The following MGA variants were observed in gnomAD, a reference collection of about 807,000 sequenced individuals.
MGA encodes the protein MAX dimerization protein MGA, also known as MAX gene-associated protein.
Under a neutral mutation model 261.1 loss-of-function variants are expected in MGA, and 40 were observed. That is an observed-to-expected ratio of 0.15 (90% CI 0.12 to 0.20). MGA has a LOEUF of 0.20. Ranked by LOEUF, MGA falls within the 10% of genes least tolerant of loss-of-function variation. MGA has a pLI of 1.00. For synonymous variants in MGA, 1,302 were observed against 1,290.6 expected (o/e 1.01, Z -0.19); for missense variants, 3,397 against 3,630.5 (o/e 0.94, Z 1.65).
At position 41,766,092 on chromosome 15, in the gene MGA, A is replaced by G. The variant is rs1266177576; in HGVS notation, c.8010A>G (p.Lys2670=). The G allele has an allele frequency of 1.2e-6, 2 of 1,613,850 alleles. No homozygotes were observed. The highest frequency in any genetic ancestry group is 1.7e-6 in the Non-Finnish European group (2 of 1,179,866). Reference sequence around the variant, plus strand: ...GTTTGGTAGATATGGGTGGCAGCAAATATCCTCATGAAGTTCCTGATAGCA... The same window carrying G: ...GTTTGGTAGATATGGGTGGCAGCAAGTATCCTCATGAAGTTCCTGATAGCA... The change falls in exon 24 of 24, where the codon AAA becomes AAG. Residue 2670 remains lysine (K), a synonymous_variant. Coordinates refer to ENST00000219905, the MANE Select transcript of MGA (RefSeq NM_001164273.2).
chr15:41,729,064 G>A (rs578162148), intron 10 of MGA, 100 bp from the exon 11 acceptor site: 15 of 1,229,464 alleles, frequency 1.2e-5, no homozygotes, highest in South Asian at 4.2e-5. Context: ...AAAAAATTTC[G>A]ACTGTTGTAA....
intron 1 of MGA, among the ~76,000 whole-genome samples, chr15:41,666,001 A>T (rs976320206): frequency 1.3e-5 from 2 of 150,948 alleles, no homozygotes; most frequent in African/African-American, 4.9e-5. Flanking sequence ...CTGCAACCTG[A>T]ACTTCCAGGG....
chr15:41,740,063 A>C lies in MGA; in HGVS notation c.4445A>C (p.Asn1482Thr). ...ACTGTCATCTCCAAGGTAGCATCCA[A>C]TGCCAAGGTGGCTGCATCCAGGAAA... Residue 1482 changes from asparagine (N) to threonine (T), a missense_variant, in exon 14 of 24, where the codon AAT becomes ACT. Physicochemically the swap from Asn to Thr is moderately conservative, Grantham distance 65. Around this residue, in one of 9 missense-constraint regions of MGA, gnomAD observed 1,410 missense variants for 1,386.4 expected, o/e 1.02. Transcript: ENST00000219905. 6.2e-7 allele frequency: 1 copy of C among 1,614,020 alleles called. No individual in the cohort carries two copies. The highest frequency in any genetic ancestry group is 1.3e-5 in the African/African-American group (1 of 75,058).
intron 9 of MGA, among the ~76,000 whole-genome samples, chr15:41,726,551 A>G (rs1468009906): frequency 6.6e-6 from 1 of 152,032 alleles, no homozygotes; most frequent in Admixed American, 6.6e-5. Flanking sequence ...CAACATGACA[A>G]AACCCCATCT....
intron 9 of MGA, among the ~76,000 whole-genome samples, chr15:41,722,796 G>A (rs1293569488): frequency 6.6e-6 from 1 of 152,192 alleles, no homozygotes; most frequent in African/African-American, 2.4e-5. Flanking sequence ...CATTTATGGT[G>A]CAACTACTAT....
rs2063833666 is a variant in MGA, at chr15:41,767,038, A to G, written c.8956A>G (p.Met2986Val). The G allele has an allele frequency of 6.2e-7, 1 of 1,614,028 alleles. No homozygotes were observed. The highest frequency in any genetic ancestry group is 8.5e-7 in the Non-Finnish European group (1 of 1,179,906). Reference sequence around the variant, plus strand: ...CAGCACAGACACTTTGTGGAGGCCTATGCCAAAGTTGGCCCCTCTAGGTTT... The same window carrying G: ...CAGCACAGACACTTTGTGGAGGCCTGTGCCAAAGTTGGCCCCTCTAGGTTT... The change falls in exon 24 of 24, where the codon ATG becomes GTG. Residue 2986 changes from methionine (M) to valine (V), a missense_variant. Met to Val is a conservative substitution (Grantham distance 21, BLOSUM62 1). This residue lies in a region of MGA where 647 missense variants were observed against 642.4 expected (regional missense o/e 1.01). Coordinates refer to ENST00000219905, the MANE Select transcript of MGA (RefSeq NM_001164273.2).
At chr15:41,708,260 C>G (rs2060214954) in intron 7 of MGA, 52 bp downstream of exon 7, 1 of 1,263,608 alleles carries the variant, frequency 7.9e-7, no homozygotes, top group Admixed American at 2.5e-5. Flanking sequence ...TAGCCAGAAA[C>G]CTTTTGTTAA....
chr15:41,699,796 T>C (rs1157641968), intron 5 of MGA, among the ~76,000 whole-genome samples: 1 of 152,122 alleles, frequency 6.6e-6, no homozygotes, highest in Non-Finnish European at 1.5e-5. Flanking sequence ...GGAGGAAGGG[T>C]CTTCCTTGTC....
chr15:41,680,379 T>G (rs11853665), intron 2 of MGA, among the ~76,000 whole-genome samples: 22,311 of 151,836 alleles, frequency 0.15, 2,581 homozygotes, highest in East Asian at 0.68. Flanking sequence ...TAAGTAAAAA[T>G]AGTACTATTC....
chr15:41,742,205 T>C lies in MGA; in HGVS notation c.4586-341T>C, dbSNP rs553806897. On this transcript the variant is annotated intron_variant, in intron 14 of 23. Transcript: ENST00000219905. Reference sequence around the variant, plus strand: ...GAGTTCAAGACCAGCCTGACCAACATGGAGAAACCTTGTCTCTACTAAAAA... The same window carrying C: ...GAGTTCAAGACCAGCCTGACCAACACGGAGAAACCTTGTCTCTACTAAAAA... Among the ~76,000 whole-genome samples the C allele has an allele frequency of 2.6e-5, 4 of 151,368 alleles. No individual in the cohort carries two copies. The East Asian group carries it at 8.0e-4, about 30-fold the overall frequency.
At chr15:41,714,381 G>A (rs889685576) in intron 9 of MGA, among the ~76,000 whole-genome samples, 1 of 152,158 alleles carries the variant, frequency 6.6e-6, no homozygotes, top group African/African-American at 2.4e-5. Flanking sequence ...AAGCTGTACG[G>A]TGATGAACAT....
In MGA at chr15:41,766,938, T is replaced by C; in HGVS notation, c.8856T>C (p.Ser2952=). 1 of 1,614,034 alleles carries C rather than the reference T, an allele frequency of 6.2e-7. No homozygotes were observed. The highest frequency in any genetic ancestry group is 8.5e-7 in the Non-Finnish European group (1 of 1,179,878). ...CTATTGATGGAGGGAAGAATACTTC[T>C]GGCCTCCCTGCAGAGCCCGAAAGTG... Residue 2952 remains serine (S), a synonymous_variant, in exon 24 of 24, where the codon TCT becomes TCC. Coordinates refer to ENST00000219905, the MANE Select transcript of MGA (RefSeq NM_001164273.2).
intron 22 of MGA, among the ~76,000 whole-genome samples, chr15:41,763,225 C>T (rs2063592707): frequency 1.3e-5 from 2 of 150,452 alleles, no homozygotes; most frequent in South Asian, 4.2e-4. Flanking sequence ...TCAGCCTCCC[C>T]AGTAGCTAGG....
At chr15:41,698,777 GTCT>G (rs1404054162) in intron 3 of MGA, 83 bp from the exon 4 acceptor site, 2 of 1,025,808 alleles carry the variant, frequency 1.9e-6, no homozygotes, top group Non-Finnish European at 2.8e-6. Context: ...TTTCCTTCTG[GTCT>G]TTAAGTTTTT....
At chr15:41,637,052 G>A (rs1039242521) in intron 1 of MGA, among the ~76,000 whole-genome samples, 21 of 152,184 alleles carry the variant, frequency 1.4e-4, no homozygotes, top group Non-Finnish European at 2.8e-4. Context: ...GGGTGGTAAA[G>A]GTCGTAGTAA....
intron 21 of MGA, 50 bp downstream of exon 21, chr15:41,761,900 A>C (rs1178634452): frequency 7.4e-7 from 1 of 1,344,768 alleles, no homozygotes; most frequent in Non-Finnish European, 1.0e-6. Flanking sequence ...TAGCTTTATC[A>C]AGAAGAAATC....
chr15:41,750,488 C>T lies in MGA; in HGVS notation c.6881C>T (p.Ala2294Val). 6.2e-7 allele frequency: 1 copy of T among 1,613,856 alleles called. No homozygotes were observed. ...GAGAAGAAGGGTGGGAGAAGCAGTG[C>T]TGACTTCACTGTTTTGGATTTGGAA... Residue 2294 changes from alanine to valine, a missense_variant, in exon 17 of 24, where the codon GCT (alanine) becomes GTT (valine). Coordinates refer to ENST00000219905, the MANE Select transcript of MGA (RefSeq NM_001164273.2).
At chr15:41,641,817 G>A (rs1230058543) in intron 1 of MGA, among the ~76,000 whole-genome samples, 1 of 151,516 alleles carries the variant, frequency 6.6e-6, no homozygotes, top group African/African-American at 2.4e-5. Context: ...TTTGTTTTGA[G>A]ACTGGTCTCA....
intron 7 of MGA, among the ~76,000 whole-genome samples, chr15:41,708,469 C>T (rs528268627): frequency 3.3e-5 from 5 of 152,244 alleles, no homozygotes; most frequent in African/African-American, 1.2e-4. Flanking sequence ...AGGCATGTGC[C>T]ACCACGGCTG....
Sources: gnomAD v4.1 joint callset for allele counts (sites outside exome capture counted in the v4.1 genomes callset) on GRCh38, gnomAD v4.1.1 for gene constraint, gnomAD v4.1.1 regional missense constraint, MANE v1.5 for transcripts, NCBI Gene and HGNC (gene_info 2026-07-23, HGNC 2026-07-21) for gene names.